Variants in TCF20 observed in about 807,000 individuals in gnomAD.
The protein encoded by TCF20 is SPRE-binding protein.
A neutral mutation model predicts 148.6 loss-of-function variants in TCF20; 3 were observed. The observed-to-expected ratio is 0.02, with a 90% confidence interval of 0.01 to 0.05. The LOEUF (loss-of-function observed/expected upper bound fraction) is 0.05. TCF20 is among the 10% of genes least tolerant of loss of function. The pLI is 1.00. For missense variants in TCF20, 2,350 were observed against 2,429.3 expected (o/e 0.97, Z 0.69); for synonymous variants, 1,049 against 909.5 (o/e 1.15, Z -2.76).
At chr22:42,239,820 A>G (rs1422333144) in intron 1 of TCF20, among the ~76,000 whole-genome samples, 1 of 152,206 alleles carries the variant, frequency 6.6e-6, no homozygotes, top group Non-Finnish European at 1.5e-5. Flanking sequence ...AATGAATAAA[A>G]TGTTTAAAAT....
At chr22:42,186,268 C>CGT (rs1383769262) in intron 2 of TCF20, among the ~76,000 whole-genome samples, 1 of 152,152 alleles carries the variant, frequency 6.6e-6, no homozygotes, top group Non-Finnish European at 1.5e-5. Flanking sequence ...TGTCAGCACA[C>CGT]GTGTGAAAGC....
At chr22:42,172,095 AGCAATCT>A (rs1936165955) in intron 3 of TCF20, among the ~76,000 whole-genome samples, 1 of 152,246 alleles carries the variant, frequency 6.6e-6, no homozygotes, top group African/African-American at 2.4e-5. Flanking sequence ...AGTCTCCTAC[AGCAATCT>A]GCCTGAGGCA....
At chr22:42,300,055 G>A (rs1359341567) in intron 1 of TCF20, among the ~76,000 whole-genome samples, 1 of 152,122 alleles carries the variant, frequency 6.6e-6, no homozygotes, top group Non-Finnish European at 1.5e-5. Context: ...GGTTCCTTTC[G>A]TTCCTTCGTT....
At chr22:42,306,910 G>A (rs1337193214) in intron 1 of TCF20, among the ~76,000 whole-genome samples, 2 of 151,932 alleles carry the variant, frequency 1.3e-5, no homozygotes, top group Admixed American at 6.6e-5. Flanking sequence ...ATGGTGGCAC[G>A]CTCCTGTAAT....
chr22:42,236,277 CAATA>C (rs1923879052), intron 1 of TCF20, among the ~76,000 whole-genome samples: 2 of 152,008 alleles, frequency 1.3e-5, no homozygotes, highest in Admixed American at 6.6e-5. Context: ...CTAAAAAACA[CAATA>C]AATAACTACT....
At position 42,210,885 on chromosome 22, in the gene TCF20, C is replaced by T. The variant is rs778073863; in HGVS notation, c.4421G>A (p.Ser1474Asn). The T allele has an allele frequency of 4.3e-6, 7 of 1,614,190 alleles. No individual in the cohort carries two copies. Among genetic ancestry groups the T allele is most frequent in the Non-Finnish European group, 5.9e-6 (7 of 1,180,034 alleles). ...GGAACCATCTGGTCTCCCTTGGTTA[C>T]TACCAGGCTTCTGTGAGGTTGTGGA... ...MTSTTSQKPGSNQGRPDGSLG... is the reference protein window; with the variant it reads ...MTSTTSQKPGNNQGRPDGSLG... The change falls in exon 2 of 6, where the codon AGT (serine) becomes AAT (asparagine). Residue 1474 changes from serine to asparagine, a missense_variant. Coordinates refer to ENST00000677622, the MANE Select transcript of TCF20 (RefSeq NM_001378418.1). This position sits in a 1 kb window ranked among gnomAD's most constrained non-coding sequence, Gnocchi z 4.7.
At chr22:42,226,545 A>C (rs1054441971) in intron 1 of TCF20, among the ~76,000 whole-genome samples, 3 of 152,016 alleles carry the variant, frequency 2.0e-5, no homozygotes, top group African/African-American at 7.3e-5. Flanking sequence ...TCTCTACTAA[A>C]AATACAAAAA....
intron 5 of TCF20, among the ~76,000 whole-genome samples, chr22:42,164,220 T>C (rs1349553033): frequency 7.1e-6 from 1 of 141,502 alleles, no homozygotes; most frequent in Admixed American, 7.0e-5. Context: ...TTCTTTTTTT[T>C]TTTTTTTTTT....
chr22:42,172,603 C>T (rs1180770061), intron 3 of TCF20, among the ~76,000 whole-genome samples: 1 of 152,238 alleles, frequency 6.6e-6, no homozygotes, highest in Non-Finnish European at 1.5e-5. Context: ...CCTCTTCAAG[C>T]TCAAAGGCAG....
chr22:42,315,557 T>C (rs1384537853), intron 1 of TCF20, among the ~76,000 whole-genome samples: 1 of 152,148 alleles, frequency 6.6e-6, no homozygotes, highest in African/African-American at 2.4e-5. Flanking sequence ...CTGGGCAAAG[T>C]CCTGGGCTGG....
chr22:42,300,743 T>A (rs541922068), intron 1 of TCF20, among the ~76,000 whole-genome samples: 2 of 152,062 alleles, frequency 1.3e-5, no homozygotes, highest in African/African-American at 4.8e-5. Context: ...TCAGCCCCAC[T>A]CATCACCCTG....
intron 1 of TCF20, among the ~76,000 whole-genome samples, chr22:42,233,617 C>T (rs1160218088): frequency 6.6e-6 from 1 of 152,220 alleles, no homozygotes; most frequent in African/African-American, 2.4e-5. Flanking sequence ...TCCCCCACAG[C>T]GTGGGACCTT....
intron 1 of TCF20, among the ~76,000 whole-genome samples, chr22:42,333,931 C>T (rs748129018): frequency 7.2e-5 from 11 of 152,216 alleles, no homozygotes; most frequent in Admixed American, 2.6e-4. Context: ...CCCAGGCCAA[C>T]GGGTGGCCCC....
chr22:42,243,803 A>G (rs1420922365), intron 1 of TCF20, among the ~76,000 whole-genome samples: 1 of 152,228 alleles, frequency 6.6e-6, no homozygotes, highest in Admixed American at 6.5e-5. Context: ...TCTAAGCAAT[A>G]AAGTCTACTA....
chr22:42,226,196 A>C (rs901431975), intron 1 of TCF20, among the ~76,000 whole-genome samples: 2 of 152,312 alleles, frequency 1.3e-5, no homozygotes, highest in African/African-American at 4.8e-5. Flanking sequence ...GGGCAGGAGA[A>C]GGGTGGGAGC....
chr22:42,169,993 C>A, intron 3 of TCF20, 97 bp from the exon 4 acceptor site: 1 of 1,203,808 alleles, frequency 8.3e-7, no homozygotes. Context: ...ATAAAGGTAG[C>A]AGGTCGCTAC....
Position 42,213,160 on chromosome 22 carries a change from C to A in TCF20, c.2146G>T (p.Ala716Ser), listed in dbSNP as rs879135028. Reference protein sequence around the residue: ...RYSYKDSFGSAVPRNVSGFPQ... With the variant: ...RYSYKDSFGSSVPRNVSGFPQ... ...AAGCCACTGACATTTCGTGGCACGG[C>A]TGACCCGAAACTATCTTTGTAACTA... The change falls in exon 2 of 6, where the codon GCC becomes TCC. Residue 716 changes from alanine to serine, a missense_variant. Physicochemically the swap from Ala to Ser is moderately conservative, Grantham distance 99. Coordinates refer to ENST00000677622, the MANE Select transcript of TCF20 (RefSeq NM_001378418.1). The A allele has an allele frequency of 2.5e-6, 4 of 1,614,210 alleles. No individual in the cohort carries two copies.
intron 1 of TCF20, among the ~76,000 whole-genome samples, chr22:42,267,783 G>A (rs1025158929): frequency 6.6e-6 from 1 of 152,166 alleles, no homozygotes; most frequent in African/African-American, 2.4e-5. Flanking sequence ...TGTCTCCGAA[G>A]TCAATAATTA....
chr22:42,214,184 G>A lies in TCF20; in HGVS notation c.1122C>T (p.Ala374=), dbSNP rs1250780452. The change falls in exon 2 of 6, where the codon GCC becomes GCT. Residue 374 remains alanine (A), a synonymous_variant. Transcript: ENST00000677622. ...TACAGCTTGGAGACTGAACCACAGAGGCAGCTGGAGAAGGGTTAGAAATGG... is the reference window on the plus strand; with the variant it reads ...TACAGCTTGGAGACTGAACCACAGAAGCAGCTGGAGAAGGGTTAGAAATGG... ...FSPISNPSPA[A]SVVQSPSCSS... is the part of the protein sequence containing the mutation. 3 of 1,614,214 alleles carry A rather than the reference G, an allele frequency of 1.9e-6. No homozygotes were observed. The highest frequency in any genetic ancestry group is 1.7e-5 in the Admixed American group (1 of 60,026).
Sources: gnomAD v4.1 joint callset for allele counts (sites outside exome capture counted in the v4.1 genomes callset) on GRCh38, gnomAD v4.1.1 for gene constraint, Gnocchi (gnomAD v3.1) non-coding constraint, MANE v1.5 for transcripts, NCBI Gene and HGNC (gene_info 2026-07-23, HGNC 2026-07-21) for gene names.